Variants in TAFA1 observed in about 807,000 individuals in gnomAD.
The protein encoded by TAFA1 is chemokine-like protein TAFA-1.
TAFA1 carries 4 observed loss-of-function variants against 18.5 expected under a neutral mutation model. The observed-to-expected ratio is 0.22, with a 90% CI of 0.11 to 0.49. The LOEUF is 0.49. TAFA1 is among the 20% of genes least tolerant of loss of function. TAFA1 has a pLI of 0.98. For missense variants in TAFA1, 147 were observed against 169.0 expected (o/e 0.87, Z 0.72); for synonymous variants, 56 against 55.2 (o/e 1.01, Z -0.06).
chr3:68,383,010 T>G (rs1267983446), intron 2 of TAFA1, among the ~76,000 whole-genome samples: 1 of 152,178 alleles, frequency 6.6e-6, no homozygotes, highest in Non-Finnish European at 1.5e-5. Context: ...GCTTGACTAT[T>G]GTTGATGTAT....
chr3:68,543,618 C>T (rs1488437480), intron 4 of TAFA1, among the ~76,000 whole-genome samples: 1 of 152,052 alleles, frequency 6.6e-6, no homozygotes, highest in Admixed American at 6.6e-5. Flanking sequence ...GGACTTCTAC[C>T]TCTAGCCTCA....
chr3:68,513,328 T>C (rs907011040), intron 3 of TAFA1, among the ~76,000 whole-genome samples: 37 of 152,178 alleles, frequency 2.4e-4, no homozygotes, highest in African/African-American at 8.2e-4. Context: ...AATAGTACTT[T>C]CTGTAGGGAT....
Position 68,385,821 on chromosome 3 carries a change from C to T in TAFA1, c.119-31459C>T, listed in dbSNP as rs576882513. On this transcript the variant is annotated intron_variant, in intron 2 of 4. Coordinates refer to ENST00000478136, the MANE Select transcript of TAFA1 (RefSeq NM_213609.4). ...TTTTTTTATTTGAAATACAATTGTA[C>T]GTATTTATGAGGTATATAGTGATGT... 4.5e-4 allele frequency among the ~76,000 whole-genome samples: 69 copies of T among 151,830 alleles called. 1 individual carries two copies. Among genetic ancestry groups the T allele is most frequent in the Non-Finnish European group, 7.8e-4 (53 of 67,942 alleles).
intron 3 of TAFA1, among the ~76,000 whole-genome samples, chr3:68,424,993 G>A (rs553456288): frequency 1.6e-4 from 25 of 152,020 alleles, no homozygotes; most frequent in African/African-American, 5.5e-4. Flanking sequence ...TGTGATGCCC[G>A]AAGATAGCTA....
chr3:68,148,060 CAG>C (rs2065764007), intron 2 of TAFA1, among the ~76,000 whole-genome samples: 1 of 152,220 alleles, frequency 6.6e-6, no homozygotes, highest in African/African-American at 2.4e-5. Flanking sequence ...GACCTCTGCT[CAG>C]AGTCTCAGTG....
At chr3:68,285,925 AGACCAG>A (rs1238183380) in intron 2 of TAFA1, among the ~76,000 whole-genome samples, 1 of 152,214 alleles carries the variant, frequency 6.6e-6, no homozygotes, top group Non-Finnish European at 1.5e-5. Flanking sequence ...CAAAAATAGT[AGACCAG>A]GCCAGGTGCA....
intron 2 of TAFA1, among the ~76,000 whole-genome samples, chr3:68,053,157 T>A (rs755070543): frequency 6.6e-6 from 1 of 152,156 alleles, no homozygotes; most frequent in Non-Finnish European, 1.5e-5. Flanking sequence ...TCACGACTTT[T>A]TCTAACACTA....
intron 2 of TAFA1, among the ~76,000 whole-genome samples, chr3:68,152,601 G>T (rs757439684): frequency 6.6e-6 from 1 of 151,978 alleles, no homozygotes; most frequent in Non-Finnish European, 1.5e-5. Context: ...AGCTCAAAAG[G>T]CCATTAATTG....
intron 3 of TAFA1, among the ~76,000 whole-genome samples, chr3:68,433,729 A>C (rs1263586027): frequency 6.6e-6 from 1 of 152,144 alleles, no homozygotes; most frequent in Non-Finnish European, 1.5e-5. Flanking sequence ...AAATCTGAAA[A>C]CAGGAATTAC....
At chr3:68,184,526 A>AT (rs1365037131) in intron 2 of TAFA1, among the ~76,000 whole-genome samples, 2 of 152,072 alleles carry the variant, frequency 1.3e-5, no homozygotes, top group African/African-American at 4.8e-5. Flanking sequence ...AAAAATTATT[A>AT]TTTTTTGCCC....
intron 2 of TAFA1, among the ~76,000 whole-genome samples, chr3:68,267,370 C>T (rs1372896692): frequency 6.6e-6 from 1 of 152,190 alleles, no homozygotes; most frequent in Non-Finnish European, 1.5e-5. Flanking sequence ...GTTGTCACAT[C>T]ATTATCATTT....
At chr3:68,009,380 A>G (rs1286753255) in intron 2 of TAFA1, among the ~76,000 whole-genome samples, 1 of 152,198 alleles carries the variant, frequency 6.6e-6, no homozygotes, top group African/African-American at 2.4e-5. Context: ...AGAATCACAT[A>G]TTAGGTTCTG....
intron 2 of TAFA1, among the ~76,000 whole-genome samples, chr3:68,130,050 C>G (rs188295381): frequency 5.0e-4 from 76 of 152,174 alleles, no homozygotes; most frequent in African/African-American, 1.8e-3. Context: ...TGGCACAAAG[C>G]CTTAAAGGTT....
chr3:68,355,468 A>G (rs1458646124), intron 2 of TAFA1, among the ~76,000 whole-genome samples: 2 of 151,952 alleles, frequency 1.3e-5, no homozygotes, highest in African/African-American at 4.8e-5. Flanking sequence ...GTTACGATAG[A>G]TAAATGCACT....
At chr3:68,123,310 A>C (rs983101336) in intron 2 of TAFA1, among the ~76,000 whole-genome samples, 1 of 152,144 alleles carries the variant, frequency 6.6e-6, no homozygotes, top group African/African-American at 2.4e-5. Flanking sequence ...CAAAGGGTCC[A>C]CTTGGTTTAC....
intron 2 of TAFA1, among the ~76,000 whole-genome samples, chr3:68,292,868 C>T (rs55845334): frequency 6.6e-6 from 1 of 152,068 alleles, no homozygotes; most frequent in East Asian, 1.9e-4. Context: ...CCTGTGACAG[C>T]TACTAGAAAA....
intron 2 of TAFA1, among the ~76,000 whole-genome samples, chr3:68,053,792 C>A (rs2064501032): frequency 6.6e-6 from 1 of 152,176 alleles, no homozygotes; most frequent in Non-Finnish European, 1.5e-5. Context: ...CAGCCTTGAA[C>A]TTCCGGGCTC....
At chr3:68,006,486 T>A (rs537656168) in intron 1 of TAFA1, 138 bp from the exon 2 acceptor site, 1 of 645,718 alleles carries the variant, frequency 1.5e-6, no homozygotes, top group South Asian at 1.8e-5. Flanking sequence ...TGGCATGACC[T>A]CTGCTGGATC....
intron 2 of TAFA1, among the ~76,000 whole-genome samples, chr3:68,237,437 C>G (rs924568326): frequency 1.3e-5 from 2 of 152,152 alleles, no homozygotes; most frequent in Non-Finnish European, 2.9e-5. Context: ...AACATTCAGA[C>G]CATAGCAATA....
Sources: gnomAD v4.1 joint callset for allele counts (sites outside exome capture counted in the v4.1 genomes callset) on GRCh38, gnomAD v4.1.1 for gene constraint, MANE v1.5 for transcripts, NCBI Gene and HGNC (gene_info 2026-07-23, HGNC 2026-07-21) for gene names.